Variants in KHDRBS2 observed in about 807,000 individuals in gnomAD.
KHDRBS2 encodes the protein KH RNA binding domain containing, signal transduction associated 2.
Under a neutral mutation model 44.3 loss-of-function variants are expected in KHDRBS2, and 26 were observed. The observed-to-expected ratio is 0.59, with a 90% CI of 0.43 to 0.81. The LOEUF (loss-of-function observed/expected upper bound fraction) is 0.81, where lower values mean the gene tolerates loss of function less well. Among genes scored for constraint, KHDRBS2 ranks in the 40% least tolerant of loss-of-function variants. The pLI is 0.00. For missense variants in KHDRBS2, 476 were observed against 433.1 expected (o/e 1.10, Z -0.88); for synonymous variants, 194 against 151.1 (o/e 1.28, Z -2.08).
At chr6:62,195,301 T>C (rs1563041287) in intron 1 of KHDRBS2, among the ~76,000 whole-genome samples, 1 of 152,222 alleles carries the variant, frequency 6.6e-6, no homozygotes, top group Non-Finnish European at 1.5e-5. Flanking sequence ...ACTTATTAGT[T>C]CTAATATTTT....
chr6:62,018,492 C>A (rs1218763161), intron 3 of KHDRBS2, among the ~76,000 whole-genome samples: 8 of 152,084 alleles, frequency 5.3e-5, no homozygotes, highest in Non-Finnish European at 7.4e-5. Context: ...GGACTACAGG[C>A]GCCTGCCACC....
At chr6:61,827,489 A>T (rs1791084680) in intron 6 of KHDRBS2, among the ~76,000 whole-genome samples, 1 of 152,202 alleles carries the variant, frequency 6.6e-6, no homozygotes, top group Admixed American at 6.5e-5. Context: ...CTGCTAAAAG[A>T]TTCATTATAG....
rs1780312115 is a variant in KHDRBS2, at chr6:61,768,325, T to C, written c.811-35561A>G. On this transcript the variant is annotated intron_variant, in intron 6 of 8. Coordinates refer to ENST00000281156, the MANE Select transcript of KHDRBS2 (RefSeq NM_152688.4). ...TTGGGAGTTTGATTTTTAAGTGTCT[T>C]GAGATAGCCTCCTTTGGGTTATATC... Among the ~76,000 whole-genome samples, 6 of 152,244 alleles carry C rather than the reference T, an allele frequency of 3.9e-5. 1 individual carries two copies. The South Asian group carries it at 1.2e-3, about 32-fold the overall frequency.
At chr6:61,932,345 C>T (rs1193268931) in intron 4 of KHDRBS2, among the ~76,000 whole-genome samples, 1 of 152,170 alleles carries the variant, frequency 6.6e-6, no homozygotes, top group Admixed American at 6.5e-5. Context: ...TTATAGTCAC[C>T]TGGCGGTACA....
chr6:61,851,996 C>T (rs751631377), intron 6 of KHDRBS2, among the ~76,000 whole-genome samples: 77 of 151,984 alleles, frequency 5.1e-4, no homozygotes, highest in African/African-American at 1.7e-3. Flanking sequence ...CCGAGGCAGG[C>T]GGATCACCTG....
rs546753894 is a variant in KHDRBS2 at position 62,216,746 on chromosome 6, G to A, written c.92-39434C>T. Among the ~76,000 whole-genome samples the A allele has an allele frequency of 2.7e-5, 4 of 145,506 alleles. No individual in the cohort carries two copies. In the East Asian group the frequency reaches 6.0e-4, roughly 22 times the overall value. On this transcript the variant is annotated intron_variant, in intron 1 of 8. Coordinates refer to ENST00000281156, the MANE Select transcript of KHDRBS2 (RefSeq NM_152688.4). ...GCACTTAACGTTTTTCTCCCAATGA[G>A]AGAAGTACCAGTTTCAAGTAGACCA...
chr6:61,945,107 AAAAAAGTATATATAT>A (rs1812981246), intron 4 of KHDRBS2, among the ~76,000 whole-genome samples: 8 of 37,402 alleles, frequency 2.1e-4, no homozygotes, highest in Admixed American at 3.8e-4. Context: ...AAAAAAAAAA[AAAAAAGTATATATAT>A]ATATATATAT....
intron 4 of KHDRBS2, among the ~76,000 whole-genome samples, chr6:61,948,654 C>CATTACT (rs1363693280): frequency 1.4e-5 from 2 of 141,600 alleles, no homozygotes; most frequent in South Asian, 4.6e-4. Context: ...TATATTCTCA[C>CATTACT]ATTATTATTA....
chr6:62,249,657 G>T (rs1454499353), intron 1 of KHDRBS2, among the ~76,000 whole-genome samples: 1 of 151,978 alleles, frequency 6.6e-6, no homozygotes, highest in Non-Finnish European at 1.5e-5. Context: ...GAATGCAGGC[G>T]GCCATTTAAC....
At chr6:62,244,327 GT>G (rs1363288164) in intron 1 of KHDRBS2, among the ~76,000 whole-genome samples, 1 of 151,978 alleles carries the variant, frequency 6.6e-6, no homozygotes, top group Non-Finnish European at 1.5e-5. Flanking sequence ...GAACTTGCCT[GT>G]TTTTAAATGA....
At chr6:61,935,623 C>T (rs1458894528) in intron 4 of KHDRBS2, among the ~76,000 whole-genome samples, 1 of 152,240 alleles carries the variant, frequency 6.6e-6, no homozygotes, top group East Asian at 1.9e-4. Context: ...ACAAATTCCC[C>T]TGAGTGACAT....
At chr6:61,676,508 C>T (rs1341703393), downstream of KHDRBS2, among the ~76,000 whole-genome samples, 1 of 151,750 alleles carries the variant, frequency 6.6e-6, no homozygotes, top group African/African-American at 2.4e-5. Flanking sequence ...CTCACCTTTC[C>T]ATGTTATTGT....
In KHDRBS2 at chr6:61,901,427, T is replaced by G. The variant is rs544469825; in HGVS notation, c.484-56A>C. 914 of 1,338,046 alleles carry G rather than the reference T, an allele frequency of 6.8e-4. 2 individuals are homozygous for G. Among genetic ancestry groups the G allele is most frequent in the Non-Finnish European group, 8.5e-4 (854 of 1,005,966 alleles). 82.9% of individuals were successfully genotyped at this position (1,338,046 alleles called of 1,614,324 possible). ...AAATGGGACATGCCGTTCTCAGAGT[T>G]GGAAAAAAAAAAAAAGAAACAAAAC... is the stretch of plus-strand genomic sequence containing the variant. On this transcript the variant is annotated intron_variant, in intron 4 of 8. Transcript: ENST00000281156.
chr6:62,003,914 A>G (rs961569133), intron 3 of KHDRBS2, among the ~76,000 whole-genome samples: 1 of 152,212 alleles, frequency 6.6e-6, no homozygotes. Flanking sequence ...TTGGGTAAAT[A>G]ACAAAATGAA....
the KHDRBS2 span, among the ~76,000 whole-genome samples, chr6:61,589,862 A>G: frequency 6.6e-6 from 1 of 152,162 alleles, no homozygotes; most frequent in South Asian, 2.1e-4. Flanking sequence ...CACATTCCCT[A>G]TGAGGGTTAT....
chr6:61,838,962 A>G (rs1793150501), intron 6 of KHDRBS2, among the ~76,000 whole-genome samples: 1 of 152,040 alleles, frequency 6.6e-6, no homozygotes, highest in Non-Finnish European at 1.5e-5. Flanking sequence ...CTACCTCTCC[A>G]GGGTCATTAC....
chr6:62,052,329 T>C (rs1224760944), intron 2 of KHDRBS2, among the ~76,000 whole-genome samples: 2 of 151,628 alleles, frequency 1.3e-5, no homozygotes, highest in Admixed American at 1.3e-4. Context: ...TGCCACAATG[T>C]GGAGGAGCTT....
Position 62,093,793 on chromosome 6 carries a change from C to A in KHDRBS2, c.220-45799G>T, listed in dbSNP as rs1799954565. ...AATTTAACATAATGCCATTCAGATT[C>A]CTCCATGTTGCTGCAAATGACAAGA... On this transcript the variant is annotated intron_variant, in intron 2 of 8. Coordinates refer to ENST00000281156, the MANE Select transcript of KHDRBS2 (RefSeq NM_152688.4). Among the ~76,000 whole-genome samples the A allele has an allele frequency of 2.6e-5, 4 of 151,056 alleles. No individual in the cohort carries two copies. In the Admixed American group the frequency reaches 2.6e-4, roughly 10 times the overall value.
chr6:62,021,634 T>C (rs1479219487), intron 3 of KHDRBS2, among the ~76,000 whole-genome samples: 5 of 151,864 alleles, frequency 3.3e-5, no homozygotes, highest in African/African-American at 1.2e-4. Context: ...AGGTTTATGT[T>C]ATCTAGTTAT....
Sources: gnomAD v4.1 joint callset for allele counts (sites outside exome capture counted in the v4.1 genomes callset) on GRCh38, gnomAD v4.1.1 for gene constraint, MANE v1.5 for transcripts, NCBI Gene and HGNC (gene_info 2026-07-23, HGNC 2026-07-21) for gene names.